The following ABCA4 variants were observed in gnomAD, a reference collection of about 807,000 sequenced individuals.
ABCA4 encodes the protein ATP binding cassette subfamily A member 4.
In ABCA4, 196 loss-of-function variants were observed where a neutral mutation model predicts 263.7. That is an observed-to-expected ratio of 0.74 (90% confidence interval 0.66 to 0.84). The LOEUF (loss-of-function observed/expected upper bound fraction) is 0.84, where lower values mean the gene tolerates loss of function less well. Ranked by LOEUF, ABCA4 falls within the 40% of genes least tolerant of loss-of-function variation. ABCA4 has a pLI of 0.00. For missense variants in ABCA4, 2,792 were observed against 2,855.1 expected (o/e 0.98, Z 0.50); for synonymous variants, 1,133 against 1,094.2 (o/e 1.04, Z -0.70).
Position 94,021,690 on chromosome 1 carries a change from T to C in ABCA4, c.4798A>G (p.Lys1600Glu), listed in dbSNP as rs765481184. 6 of 1,613,532 alleles carry C rather than the reference T, an allele frequency of 3.7e-6. No individual in the cohort carries two copies. The highest frequency in any genetic ancestry group is 1.3e-5 in the African/African-American group (1 of 75,040). ...SGGPITREAS[K>E]EIPDFLKHLE... ...TGTTTAAGGAAATCAGGTATTTCTT[T>C]AGAGGCCTCTCTAGTGATAGGGCCC... Residue 1600 changes from lysine to glutamate, a missense_variant, in exon 34 of 50, where the codon AAA becomes GAA. Lys to Glu is a moderately conservative substitution (Grantham distance 56). Transcript: ENST00000370225.
intron 16 of ABCA4, among the ~76,000 whole-genome samples, chr1:94,052,248 T>C (rs981459417): frequency 2.0e-5 from 3 of 152,188 alleles, no homozygotes; most frequent in African/African-American, 7.2e-5. Context: ...CTAATGTCAG[T>C]GTTTTTAACC....
At chr1:94,020,644 G>A (rs1369229217) in intron 35 of ABCA4, among the ~76,000 whole-genome samples, 4 of 152,198 alleles carry the variant, frequency 2.6e-5, no homozygotes, top group African/African-American at 7.2e-5. Context: ...GGCACTCAGC[G>A]TGTGCTAGGA....
chr1:94,026,291 G>A (rs370838035), intron 30 of ABCA4, among the ~76,000 whole-genome samples: 3 of 152,118 alleles, frequency 2.0e-5, no homozygotes, highest in South Asian at 4.1e-4. Context: ...CTCCTGCCAG[G>A]AGGAGAGCTG....
rs763940290 is a variant in ABCA4, at chr1:94,011,377, G to C, written c.5469C>G (p.Leu1823=). Residue 1823 remains leucine, a synonymous_variant, in exon 39 of 50, where the codon CTC becomes CTG. Coordinates refer to ENST00000370225, the MANE Select transcript of ABCA4 (RefSeq NM_000350.3). ...GCTTCCTCAGCACGGCGTTGAACCT[G>C]AGCAGCGTCTGAAACAGAGAAGTAG... ...LELFENNRTL[L]RFNAVLRKLL... is the part of the protein sequence containing the mutation. 8.1e-6 allele frequency: 13 copies of C among 1,613,854 alleles called. No individual in the cohort carries two copies. Among genetic ancestry groups the C allele is most frequent in the Non-Finnish European group, 1.0e-5 (12 of 1,179,964 alleles).
intron 1 of ABCA4, among the ~76,000 whole-genome samples, chr1:94,114,785 C>T (rs1662711974): frequency 6.6e-6 from 1 of 152,206 alleles, no homozygotes; most frequent in Non-Finnish European, 1.5e-5. Flanking sequence ...CCGCGCCTGG[C>T]CCTGGACTTC....
chr1:94,110,262 T>C (rs1662566819), intron 3 of ABCA4, among the ~76,000 whole-genome samples: 1 of 152,184 alleles, frequency 6.6e-6, no homozygotes, highest in African/African-American at 2.4e-5. Context: ...AATTACAGGC[T>C]TACAGATCAT....
chr1:94,013,743 A>G (rs571373325), intron 38 of ABCA4, among the ~76,000 whole-genome samples: 2 of 152,352 alleles, frequency 1.3e-5, no homozygotes, highest in East Asian at 3.9e-4. Flanking sequence ...AGCTCATAAA[A>G]GTGAGGCATT....
chr1:94,064,188 T>G (rs574377575), intron 11 of ABCA4, among the ~76,000 whole-genome samples: 1 of 152,278 alleles, frequency 6.6e-6, no homozygotes, highest in Non-Finnish European at 1.5e-5. Context: ...ATACTGAGAA[T>G]CTGCAATGTG....
At chr1:94,010,684 T>G in intron 40 of ABCA4, 116 bp downstream of exon 40, 1 of 1,472,064 alleles carries the variant, frequency 6.8e-7, no homozygotes, top group Non-Finnish European at 9.4e-7. Context: ...GCTTTGAGAA[T>G]GTAGAAAAAA....
At chr1:94,023,066 C>T (rs1659943071) in intron 32 of ABCA4, among the ~76,000 whole-genome samples, 1 of 152,162 alleles carries the variant, frequency 6.6e-6, no homozygotes. Flanking sequence ...CGGGTTTAGG[C>T]TACAAGGCCC....
At chr1:94,049,125 A>G (rs573297057) in intron 17 of ABCA4, among the ~76,000 whole-genome samples, 168 bp from the exon 18 acceptor site, 55 of 152,188 alleles carry the variant, frequency 3.6e-4, no homozygotes, top group Non-Finnish European at 5.1e-4. Context: ...TGCCAGAGGA[A>G]GATTTATAAC....
chr1:94,008,522 T>C (rs985669575), intron 41 of ABCA4, among the ~76,000 whole-genome samples: 2 of 151,898 alleles, frequency 1.3e-5, no homozygotes, highest in Non-Finnish European at 2.9e-5. Flanking sequence ...TCAGCTGGAG[T>C]GATTCTCACT....
Position 94,010,935 on chromosome 1 carries a change from C to T in ABCA4, c.5585-6G>A, listed in dbSNP as rs767919716. ...ATTTGCAGAGTGCTCCTCACCTGGG[C>T]ATCAACAGGAATTGAGTCCACTTCA... On this transcript the variant is annotated splice_polypyrimidine_tract_variant and splice_region_variant and intron_variant, in intron 39 of 49. Transcript: ENST00000370225. 2.7e-5 allele frequency: 44 copies of T among 1,613,960 alleles called. No homozygotes were observed. The highest frequency in any genetic ancestry group is 3.7e-5 in the Non-Finnish European group (44 of 1,179,992).
intron 16 of ABCA4, 85 bp from the exon 17 acceptor site, chr1:94,051,783 T>C: frequency 4.9e-6 from 5 of 1,022,192 alleles, no homozygotes; most frequent in African/African-American, 3.2e-5. Context: ...CTAGAGTTTA[T>C]TTACCTGAAC....
rs185429695 is a variant in ABCA4, at chr1:94,003,093, C to G, written c.6148-1101G>C. 3.0e-4 allele frequency among the ~76,000 whole-genome samples: 45 copies of G among 152,334 alleles called. No individual in the cohort carries two copies. In the East Asian group the frequency reaches 7.1e-3, roughly 24 times the overall value. ...GGGCATATTTCCTAAGAATAGAGATCTTCTCTTACATAACCACAGTACATT... is the reference window on the plus strand; with the variant it reads ...GGGCATATTTCCTAAGAATAGAGATGTTCTCTTACATAACCACAGTACATT... On this transcript the variant is annotated intron_variant, in intron 44 of 49. Transcript: ENST00000370225.
intron 4 of ABCA4, 144 bp downstream of exon 4, chr1:94,108,433 G>C: frequency 3.5e-6 from 4 of 1,126,936 alleles, no homozygotes; most frequent in Non-Finnish European, 5.2e-6. Flanking sequence ...TCTTCACCAA[G>C]GTGATGTTCA....
rs527779447 is a variant in ABCA4 at position 94,112,744 on chromosome 1, A to G, written c.160+229T>C. ...CAAGAGATAGAAGCTGCAGTGTGCC[A>G]TGGTCCTAACACTGTACTCCAGCCT... On this transcript the variant is annotated intron_variant, in intron 2 of 49. Transcript: ENST00000370225. Among the ~76,000 whole-genome samples the G allele has an allele frequency of 2.6e-5, 4 of 152,390 alleles. No individual in the cohort carries two copies. The South Asian group carries it at 8.3e-4, about 32-fold the overall frequency.
At chr1:94,106,002 T>G (rs1304797824) in intron 4 of ABCA4, among the ~76,000 whole-genome samples, 2 of 152,218 alleles carry the variant, frequency 1.3e-5, no homozygotes, top group African/African-American at 4.8e-5. Flanking sequence ...CTCAACAGAC[T>G]GAAACAGCCT....
intron 7 of ABCA4, among the ~76,000 whole-genome samples, chr1:94,081,258 G>A (rs2101108189): frequency 6.6e-6 from 1 of 152,180 alleles, no homozygotes; most frequent in Middle Eastern, 3.4e-3. Context: ...AAATCACAGA[G>A]TGACCCCTAG....
Sources: allele counts gnomAD v4.1 joint callset (sites outside exome capture counted in the v4.1 genomes callset), GRCh38; gene constraint gnomAD v4.1.1; transcripts MANE v1.5; gene names NCBI Gene and HGNC (gene_info 2026-07-23, HGNC 2026-07-21).